Variants in PI4KB observed in about 807,000 individuals in gnomAD.
PI4KB encodes the protein PtdIns 4-kinase beta.
In PI4KB, 23 loss-of-function variants were observed where a neutral mutation model predicts 81.4. That is an observed-to-expected ratio of 0.28 (90% CI 0.20 to 0.40). The LOEUF is 0.40. PI4KB is among the 10% of genes least tolerant of loss of function. The pLI is 1.00. For synonymous variants in PI4KB, 381 were observed against 406.8 expected, an observed-to-expected ratio of 0.94 and a Z score of 0.76; for missense variants, 651 against 1,036.6, an observed-to-expected ratio of 0.63 and a Z score of 5.11.
Position 151,292,620 on chromosome 1 carries a change from G to T in PI4KB, c.*232C>A, listed in dbSNP as rs933808750. 1.8e-6 allele frequency: 1 copy of T among 557,296 alleles called. No homozygotes were observed. Among genetic ancestry groups the T allele is most frequent in the Admixed American group, 3.2e-5 (1 of 31,690 alleles). The allele number at this position is 557,296 out of a possible 1,614,324, so 34.5% of individuals were successfully genotyped here. A position where few individuals can be genotyped will look rare whatever the true frequency, so the allele number is the denominator to read the frequency against. On this transcript the variant is annotated 3_prime_UTR_variant, in exon 12 of 12. Coordinates refer to ENST00000368873, the MANE Select transcript of PI4KB (RefSeq NM_001369623.2). ...CTGGAGTCAGTCTGGTGGTAATACT[G>T]ACACAGACCAGGAGGGGCAGGGAAG... is the stretch of plus-strand genomic sequence containing the variant.
Position 151,306,201 on chromosome 1 carries a change from C to T in PI4KB, c.1345G>A (p.Val449Met), listed in dbSNP as rs1051277142. The change falls in exon 5 of 12, where the codon GTG becomes ATG. Residue 449 changes from valine to methionine, a missense_variant. Physicochemically the swap from Val to Met is conservative, Grantham distance 21. This residue lies in a region of PI4KB where 246 missense variants were observed against 430.1 expected (regional missense o/e 0.57). Coordinates refer to ENST00000368873, the MANE Select transcript of PI4KB (RefSeq NM_001369623.2). The stretch of plus-strand genomic sequence containing the variant: ...TCATCATCGTTGTCATAGTTGGGCA[C>T]AGTGCTGAAGCTGCCAGCTCGCTGC... ...HEQRAGSFST[V>M]PNYDNDDEAW... 3.7e-6 allele frequency: 6 copies of T among 1,614,196 alleles called. No homozygotes were observed. The highest frequency in any genetic ancestry group is 5.1e-6 in the Non-Finnish European group (6 of 1,180,038).
chr1:151,318,131 AG>A (rs1482781009), intron 1 of PI4KB, among the ~76,000 whole-genome samples: 3 of 152,308 alleles, frequency 2.0e-5, no homozygotes, highest in African/African-American at 7.2e-5. Flanking sequence ...TTAATATTAA[AG>A]TCTTGGCTAG....
At position 151,315,597 on chromosome 1, in the gene PI4KB, G is replaced by A. The variant is rs928153957; in HGVS notation, c.885C>T (p.Asn295=). The part of the protein sequence containing the change: ...LSSNLKRTAS[N]PKVENEDEEL... ...CCTCATCCTCATTCTCCACTTTAGG[G>A]TTGCTGGCTGTTCGTTTCAGGTTGC... Residue 295 remains asparagine (N), a synonymous_variant, in exon 2 of 12, where the codon AAC becomes AAT. Coordinates refer to ENST00000368873, the MANE Select transcript of PI4KB (RefSeq NM_001369623.2). 20 of 1,613,776 alleles carry A rather than the reference G, an allele frequency of 1.2e-5. No individual in the cohort carries two copies. The highest frequency in any genetic ancestry group is 5.0e-5 in the Admixed American group (3 of 59,996).
chr1:151,319,910 C>A (rs1648590750), intron 1 of PI4KB, among the ~76,000 whole-genome samples: 1 of 152,158 alleles, frequency 6.6e-6, no homozygotes, highest in Admixed American at 6.5e-5. Flanking sequence ...CCCCGGTGAC[C>A]CTGGATGCAT....
intron 1 of PI4KB, among the ~76,000 whole-genome samples, chr1:151,326,564 G>C (rs1285985402): frequency 6.6e-6 from 1 of 152,194 alleles, no homozygotes; most frequent in Non-Finnish European, 1.5e-5. Context: ...AGAAAGTTGG[G>C]GGATTGAGGA....
chr1:151,316,617 C>T, intron 1 of PI4KB, 108 bp from the exon 2 acceptor site: 2 of 709,938 alleles, frequency 2.8e-6, no homozygotes, highest in Non-Finnish European at 4.4e-6. Flanking sequence ...TCCCAGGCAC[C>T]TCCTCTTTTT....
intron 10 of PI4KB, 86 bp downstream of exon 10, chr1:151,294,323 A>C: frequency 6.6e-7 from 1 of 1,524,570 alleles, no homozygotes; most frequent in East Asian, 2.3e-5. Flanking sequence ...TTCATCCCTA[A>C]TTTGCAGGGA....
At chr1:151,293,274 C>T in intron 11 of PI4KB, 1 of 1,403,938 alleles carries the variant, frequency 7.1e-7, no homozygotes. Context: ...GGGACCAACA[C>T]CACATCTCCC....
At chr1:151,300,147 G>A (rs1283997199) in intron 8 of PI4KB, among the ~76,000 whole-genome samples, 1 of 152,212 alleles carries the variant, frequency 6.6e-6, no homozygotes, top group Non-Finnish European at 1.5e-5. Flanking sequence ...TTCACATTTA[G>A]ATCTTCACCT....
chr1:151,306,152 C>T lies in PI4KB; in HGVS notation c.1394G>A (p.Gly465Asp). The T allele has an allele frequency of 6.2e-7, 1 of 1,614,090 alleles. No homozygotes were observed. The highest frequency in any genetic ancestry group is 8.5e-7 in the Non-Finnish European group (1 of 1,179,950). Residue 465 changes from glycine (G) to aspartate (D), a missense_variant, in exon 5 of 12, where the codon GGC becomes GAC. Around this residue, in one of 5 missense-constraint regions of PI4KB, gnomAD observed 246 missense variants for 430.1 expected, o/e 0.57. Coordinates refer to ENST00000368873, the MANE Select transcript of PI4KB (RefSeq NM_001369623.2). Reference protein sequence around the residue: ...DDEAWSVDDIGELQVELPEVH... With the variant: ...DDEAWSVDDIDELQVELPEVH... ...CCCTCTCACCTCCACTTGCAGCTCG[C>T]CTATGTCATCCACCGACCAGGCCTC...
rs755592481 is a variant in PI4KB at position 151,316,153 on chromosome 1, G to A, written c.329C>T (p.Ser110Leu). 1.9e-6 allele frequency: 3 copies of A among 1,613,830 alleles called. No individual in the cohort carries two copies. The African/African-American group carries it at 4.0e-5, about 22-fold the overall frequency. The change falls in exon 2 of 12, where the codon TCA (serine) becomes TTA (leucine). Residue 110 changes from serine to leucine, a missense_variant. Around this residue, in one of 5 missense-constraint regions of PI4KB, gnomAD observed 314 missense variants for 397.8 expected, o/e 0.79. Transcript: ENST00000368873. ...TCTTCTTGCTCCTTTGGCTGTGCCTGAGGCCACAGCGGCCCCCATCTCATC... is the reference window on the plus strand; with the variant it reads ...TCTTCTTGCTCCTTTGGCTGTGCCTAAGGCCACAGCGGCCCCCATCTCATC... ...EEDEMGAAVA[S>L]GTAKGARRRR...
At chr1:151,301,238 CAG>C (rs1365346782) in intron 8 of PI4KB, among the ~76,000 whole-genome samples, 14 of 150,794 alleles carry the variant, frequency 9.3e-5, no homozygotes, top group African/African-American at 2.9e-4. Flanking sequence ...TTTTTTGAGA[CAG>C]AGTCTTGCTC....
chr1:151,323,625 T>C (rs1483808463), intron 1 of PI4KB, among the ~76,000 whole-genome samples: 1 of 152,154 alleles, frequency 6.6e-6, no homozygotes, highest in African/African-American at 2.4e-5. Flanking sequence ...CTCGGGAGGC[T>C]GAGGCAGGAG....
intron 3 of PI4KB, 81 bp from the exon 4 acceptor site, chr1:151,307,882 A>C: frequency 6.3e-6 from 7 of 1,108,692 alleles, no homozygotes; most frequent in Non-Finnish European, 9.6e-6. Flanking sequence ...ACTCCTGGCC[A>C]TGCAGGCCGG....
chr1:151,299,692 GA>G (rs1230465860), intron 8 of PI4KB, among the ~76,000 whole-genome samples: 1 of 150,948 alleles, frequency 6.6e-6, no homozygotes, highest in Non-Finnish European at 1.5e-5. Context: ...TCTCTCCGAC[GA>G]AAAAAAAGAA....
intron 4 of PI4KB, 95 bp from the exon 5 acceptor site, chr1:151,306,458 C>G: frequency 1.3e-6 from 1 of 767,500 alleles, no homozygotes; most frequent in Non-Finnish European, 2.3e-6. Flanking sequence ...TGTCCTTTCT[C>G]CTAGCTCCAG....
At chr1:151,296,398 C>T (rs893357034) in intron 9 of PI4KB, among the ~76,000 whole-genome samples, 2 of 152,034 alleles carry the variant, frequency 1.3e-5, no homozygotes, top group African/African-American at 2.4e-5. Context: ...TGAGGAAACA[C>T]GTGTCTGACA....
intron 9 of PI4KB, among the ~76,000 whole-genome samples, chr1:151,297,899 T>C (rs145581289): frequency 2.6e-4 from 39 of 152,312 alleles, no homozygotes; most frequent in Admixed American, 1.7e-3. Context: ...CACTGGCCAT[T>C]GCATTTCCAC....
intron 1 of PI4KB, among the ~76,000 whole-genome samples, chr1:151,323,035 G>A (rs945776238): frequency 6.6e-6 from 1 of 152,098 alleles, no homozygotes; most frequent in Non-Finnish European, 1.5e-5. Flanking sequence ...ATTCTACAAG[G>A]TGAATTAAGA....
Sources: allele counts gnomAD v4.1 joint callset (sites outside exome capture counted in the v4.1 genomes callset), GRCh38; gene constraint gnomAD v4.1.1; regional missense constraint gnomAD v4.1.1; transcripts MANE v1.5; gene names NCBI Gene and HGNC (gene_info 2026-07-23, HGNC 2026-07-21).